MACF1: variants seen among roughly 807,000 people sequenced by gnomAD.
MACF1 encodes microtubule actin crosslinking factor 1.
A neutral mutation model predicts 854.8 loss-of-function variants in MACF1; 193 were observed. That is an observed-to-expected ratio of 0.23 (90% CI 0.20 to 0.25). The LOEUF (loss-of-function observed/expected upper bound fraction) is 0.25. MACF1 is among the 10% of genes least tolerant of loss of function. The pLI, the probability that MACF1 is intolerant of heterozygous loss-of-function variation, is 1.00. For missense variants in MACF1, 7,722 were observed against 8,929.1 expected, an observed-to-expected ratio of 0.86 and a Z score of 5.45; for synonymous variants, 3,185 against 3,226.7, an observed-to-expected ratio of 0.99 and a Z score of 0.44.
In MACF1 at chr1:39,422,596, A is replaced by G. The variant is rs1204421947; in HGVS notation, c.15978+61A>G. 3 of 1,552,036 alleles carry G rather than the reference A, an allele frequency of 1.9e-6. No individual in the cohort carries two copies. The African/African-American group carries it at 4.1e-5, about 21-fold the overall frequency. ...GGAAGGCATAGAAAAGAGACATCTG[A>G]ATCTAAGGTTTCCCGAAACCTGAAT... On this transcript the variant is annotated intron_variant, in intron 59 of 100. Transcript: ENST00000564288.
At chr1:39,285,872 G>A in intron 14 of MACF1, 114 bp downstream of exon 14, 2 of 1,174,998 alleles carry the variant, frequency 1.7e-6, no homozygotes, top group South Asian at 1.4e-5. Flanking sequence ...TTTGAGGTCA[G>A]TGTCTCAATG....
chr1:39,223,010 A>G (rs1283550452), intron 1 of MACF1, among the ~76,000 whole-genome samples: 2 of 152,208 alleles, frequency 1.3e-5, no homozygotes, highest in African/African-American at 4.8e-5. Flanking sequence ...GTAGAGTAGG[A>G]CAGATAAACA....
At chr1:39,368,636 G>C (rs550464523) in intron 50 of MACF1, among the ~76,000 whole-genome samples, 1 of 152,012 alleles carries the variant, frequency 6.6e-6, no homozygotes, top group East Asian at 1.9e-4. Context: ...TGAGTGGCTG[G>C]GATTACAGGC....
At chr1:39,476,415 G>T (rs1022141530) in intron 97 of MACF1, among the ~76,000 whole-genome samples, 1 of 151,846 alleles carries the variant, frequency 6.6e-6, no homozygotes, top group Non-Finnish European at 1.5e-5. Flanking sequence ...CTAAAAATAC[G>T]AAAAATTAGC....
In MACF1 at chr1:39,434,614, G is replaced by C. The variant is rs1400858716; in HGVS notation, c.17766G>C (p.Gln5922His). Reference protein sequence around the residue: ...SPAIDHEQLRQQQEEMRQLRE... With the variant: ...SPAIDHEQLRHQQEEMRQLRE... ...CCATTGATCATGAGCAGCTCAGGCA[G>C]CAACAAGAGGAAATGAGGGTAAGGA... The change falls in exon 69 of 101, where the codon CAG (glutamine) becomes CAC (histidine). Residue 5922 changes from glutamine (Q) to histidine (H), a missense_variant. Coordinates refer to ENST00000564288, the MANE Select transcript of MACF1 (RefSeq NM_001394062.1). 2 of 1,614,050 alleles carry C rather than the reference G, an allele frequency of 1.2e-6. No homozygotes were observed. The highest frequency in any genetic ancestry group is 2.2e-5 in the South Asian group (2 of 91,076).
In MACF1 at chr1:39,084,190, G is replaced by A. The variant is rs1641604752; in HGVS notation, c.-29G>A. 1.2e-6 allele frequency: 2 copies of A among 1,602,888 alleles called. No individual in the cohort carries two copies. The highest frequency in any genetic ancestry group is 1.1e-5 in the South Asian group (1 of 90,918). Reference sequence around the variant, plus strand: ...AGATCACTTCTCCCTGGGCTCCCAGGCCCTCCTGCAGCAGCCCCCGCCTGG... The same window carrying A: ...AGATCACTTCTCCCTGGGCTCCCAGACCCTCCTGCAGCAGCCCCCGCCTGG... On this transcript the variant is annotated 5_prime_UTR_variant, in exon 2 of 94. Transcript: ENST00000361689. The surrounding 1 kb of genome is among the most constrained non-coding windows in gnomAD (Gnocchi z 5.2).
intron 23 of MACF1, among the ~76,000 whole-genome samples, chr1:39,305,784 C>G (rs949329804): frequency 2.0e-5 from 3 of 152,198 alleles, no homozygotes; most frequent in Non-Finnish European, 2.9e-5. Flanking sequence ...TTCTCACACA[C>G]AGACAGCATA....
At position 39,198,829 on chromosome 1, in the gene MACF1, G is replaced by C. The variant is rs182032900; in HGVS notation, c.221-32353G>C. Among the ~76,000 whole-genome samples, 30 of 151,868 alleles carry C rather than the reference G, an allele frequency of 2.0e-4. 1 individual carries two copies. The East Asian group carries it at 5.3e-3, about 27-fold the overall frequency. ...CAGAGCAAGACTCTGTCTCAAGAAAGAAATAAAAGGGAAGAAACAGCACTA... is the reference window on the plus strand; with the variant it reads ...CAGAGCAAGACTCTGTCTCAAGAAACAAATAAAAGGGAAGAAACAGCACTA... On this transcript the variant is annotated intron_variant, in intron 2 of 93. Coordinates refer to the MACF1 transcript ENST00000361689.
At chr1:39,388,709 G>T in intron 58 of MACF1, 51 bp downstream of exon 58, 1 of 1,485,618 alleles carries the variant, frequency 6.7e-7, no homozygotes, top group Non-Finnish European at 8.9e-7. Flanking sequence ...TTATTTGCTT[G>T]TAACTTGGAA....
chr1:39,382,969 C>T (rs1267867830), intron 56 of MACF1, among the ~76,000 whole-genome samples: 1 of 148,916 alleles, frequency 6.7e-6, no homozygotes, highest in African/African-American at 2.5e-5. Context: ...AAAAATACAA[C>T]AATTAGCCGG....
At chr1:39,361,250 G>A (rs769298498) in intron 48 of MACF1, 110 bp from the exon 49 acceptor site, 283 of 1,088,920 alleles carry the variant, frequency 2.6e-4, no homozygotes, top group Non-Finnish European at 3.6e-4. Context: ...CTGGAGGCTC[G>A]GTTGCAGTCC....
At chr1:39,312,139 G>A (rs532114143) in intron 26 of MACF1, among the ~76,000 whole-genome samples, 8 of 152,210 alleles carry the variant, frequency 5.3e-5, no homozygotes, top group Non-Finnish European at 1.0e-4. Flanking sequence ...TGGGAGAATC[G>A]CTTGAACCCA....
intron 1 of MACF1, among the ~76,000 whole-genome samples, chr1:39,221,635 C>T (rs747681425): frequency 2.6e-5 from 4 of 152,214 alleles, no homozygotes; most frequent in African/African-American, 7.2e-5. Flanking sequence ...ATTCCTTACC[C>T]GCCACCACAT....
intron 41 of MACF1, among the ~76,000 whole-genome samples, chr1:39,347,944 A>G (rs943011409): frequency 9.2e-5 from 14 of 152,222 alleles, no homozygotes; most frequent in African/African-American, 3.4e-4. Flanking sequence ...TAATAGTAAC[A>G]TCAAAACCTT....
At chr1:39,203,785 A>G (rs1216757223), upstream of MACF1, among the ~76,000 whole-genome samples, 3 of 152,100 alleles carry the variant, frequency 2.0e-5, no homozygotes, top group Non-Finnish European at 4.4e-5. Context: ...GTTTTATTCT[A>G]TTTTATTGCA....
Position 39,233,808 on chromosome 1 carries a change from T to TTTTTTTTTGTTTTTTTTTA in MACF1, c.171+2565_171+2566insTTTTTTTTGTTTTTTTTTA, listed in dbSNP as rs755591226. The stretch of plus-strand genomic sequence containing the variant: ...TTTTTTTTTTTTTTTATTTATTTTT[T>TTTTTTTTTGTTTTTTTTTA]ATTGATAATTCTTGGGTGTTTCTCA... On this transcript the variant is annotated intron_variant, in intron 2 of 100. Coordinates refer to ENST00000564288, the MANE Select transcript of MACF1 (RefSeq NM_001394062.1). Among the ~76,000 whole-genome samples the TTTTTTTTTGTTTTTTTTTA allele has an allele frequency of 3.0e-5, 2 of 65,772 alleles. 1 individual carries two copies. Among genetic ancestry groups the TTTTTTTTTGTTTTTTTTTA allele is most frequent in the Non-Finnish European group, 6.6e-5 (2 of 30,152 alleles). The allele number at this position is 65,772 out of a possible 152,430, so 43.1% of individuals were successfully genotyped here. A position where few individuals can be genotyped will look rare whatever the true frequency, so the allele number is the denominator to read the frequency against.
intron 6 of MACF1, chr1:39,269,666 G>C (rs1452910379): frequency 7.8e-6 from 10 of 1,289,800 alleles, no homozygotes; most frequent in Non-Finnish European, 8.1e-6. Context: ...TCTCAGAAGA[G>C]GATGGCACTC....
intron 2 of MACF1, among the ~76,000 whole-genome samples, chr1:39,100,853 CAAAT>C (rs1390469186): frequency 2.0e-5 from 3 of 151,626 alleles, no homozygotes; most frequent in Admixed American, 6.6e-5. Flanking sequence ...GACTCCGTTG[CAAAT>C]AAATAAATAA....
chr1:39,269,966 C>T (rs897263092), intron 6 of MACF1, among the ~76,000 whole-genome samples: 2 of 152,174 alleles, frequency 1.3e-5, no homozygotes, highest in Non-Finnish European at 2.9e-5. Flanking sequence ...ATTGCTCAAG[C>T]TATCTGGTGG....
Sources: allele counts gnomAD v4.1 joint callset (sites outside exome capture counted in the v4.1 genomes callset), GRCh38; gene constraint gnomAD v4.1.1; non-coding constraint Gnocchi (gnomAD v3.1); transcripts MANE v1.5; gene names NCBI Gene and HGNC (gene_info 2026-07-23, HGNC 2026-07-21).